The following IL17B variants were observed in gnomAD, a reference collection of about 807,000 sequenced individuals.
IL17B encodes the protein interleukin-17B.
Under a neutral mutation model 14.7 loss-of-function variants are expected in IL17B, and 14 were observed. That is an observed-to-expected ratio of 0.95 (90% CI 0.63 to 1.49). The LOEUF (loss-of-function observed/expected upper bound fraction) is 1.49. IL17B is among the 40% of genes most tolerant of loss of function. The pLI is 0.00. For missense variants in IL17B, 233 were observed against 252.8 expected (o/e 0.92, Z 0.53); for synonymous variants, 105 against 94.8 (o/e 1.11, Z -0.62).
intron 1 of IL17B, among the ~76,000 whole-genome samples, chr5:149,392,309 C>T (rs1758985925): frequency 6.6e-6 from 1 of 152,230 alleles, no homozygotes; most frequent in Non-Finnish European, 1.5e-5. Flanking sequence ...TCTGTTAGTA[C>T]AATAGCATCC....
At chr5:149,379,339 G>T, upstream of IL17B, 1 of 1,283,940 alleles carries the variant, frequency 7.8e-7, no homozygotes. Context: ...ACTGGGGGCT[G>T]CTGGGGGAGT....
At chr5:149,376,597 C>T in intron 2 of IL17B, 139 bp downstream of exon 2, 3 of 1,120,822 alleles carry the variant, frequency 2.7e-6, no homozygotes, top group East Asian at 2.6e-5. Flanking sequence ...CAAAGCCTCA[C>T]AGGCAAGTAA....
At chr5:149,390,012 G>A (rs1393310696) in intron 1 of IL17B, among the ~76,000 whole-genome samples, 1 of 152,168 alleles carries the variant, frequency 6.6e-6, no homozygotes, top group Non-Finnish European at 1.5e-5. Context: ...CCAAGGCCTG[G>A]AAGGGGATAT....
At chr5:149,395,920 A>T (rs353264) in intron 1 of IL17B, among the ~76,000 whole-genome samples, 1 of 150,738 alleles carries the variant, frequency 6.6e-6, no homozygotes, top group Non-Finnish European at 1.5e-5. Context: ...TGATCCACCC[A>T]CCTCGGCTTC....
chr5:149,387,606 C>T (rs1261757790), intron 1 of IL17B, among the ~76,000 whole-genome samples: 1 of 150,770 alleles, frequency 6.6e-6, no homozygotes, highest in Non-Finnish European at 1.5e-5. Context: ...CTCGTCTCTA[C>T]AAAAAAATAA....
chr5:149,375,746 C>T (rs1322991277), intron 2 of IL17B, among the ~76,000 whole-genome samples: 1 of 151,996 alleles, frequency 6.6e-6, no homozygotes, highest in Non-Finnish European at 1.5e-5. Flanking sequence ...AAAAATCAGC[C>T]AGGTATGCCT....
At chr5:149,382,989 C>T (rs138981300), upstream of IL17B, among the ~76,000 whole-genome samples, 15 of 152,314 alleles carry the variant, frequency 9.8e-5, no homozygotes, top group East Asian at 2.7e-3. Context: ...GAAGTGCAGC[C>T]GGGAGGGCAG....
chr5:149,402,898 G>C (rs1056085793), intron 1 of IL17B, among the ~76,000 whole-genome samples: 5 of 150,476 alleles, frequency 3.3e-5, no homozygotes, highest in African/African-American at 1.2e-4. Context: ...AGCTACTTGG[G>C]AGGCTGAGGT....
At chr5:149,396,447 T>C (rs778268282) in intron 1 of IL17B, among the ~76,000 whole-genome samples, 9 of 152,234 alleles carry the variant, frequency 5.9e-5, no homozygotes, top group Non-Finnish European at 1.0e-4. Context: ...TCTATCTTCT[T>C]TGACAGTCAA....
At chr5:149,386,697 C>T (rs530135080) in intron 1 of IL17B, among the ~76,000 whole-genome samples, 1 of 152,256 alleles carries the variant, frequency 6.6e-6, no homozygotes, top group South Asian at 2.1e-4. Flanking sequence ...TACTATGTGC[C>T]AGGCACTGGG....
chr5:149,377,884 C>G (rs1311988066), intron 1 of IL17B, among the ~76,000 whole-genome samples: 1 of 152,134 alleles, frequency 6.6e-6, no homozygotes, highest in Non-Finnish European at 1.5e-5. Context: ...TGGCTCACAC[C>G]TGTAATGCCA....
At chr5:149,397,153 A>G (rs1173322943) in intron 1 of IL17B, among the ~76,000 whole-genome samples, 1 of 152,162 alleles carries the variant, frequency 6.6e-6, no homozygotes, top group Non-Finnish European at 1.5e-5. Flanking sequence ...TTGCAGCACC[A>G]ATAACAACTC....
At chr5:149,402,688 TTAAA>T (rs1158941251) in intron 1 of IL17B, among the ~76,000 whole-genome samples, 5 of 118,426 alleles carry the variant, frequency 4.2e-5, no homozygotes, top group Admixed American at 7.8e-5. Flanking sequence ...TACCATGCTT[TTAAA>T]AAAAAAAAAA....
chr5:149,397,499 T>A (rs1467447450), intron 1 of IL17B, among the ~76,000 whole-genome samples: 1 of 152,188 alleles, frequency 6.6e-6, no homozygotes, highest in Non-Finnish European at 1.5e-5. Context: ...TTACCTTAAG[T>A]AGCCTTATAC....
intron 1 of IL17B, among the ~76,000 whole-genome samples, chr5:149,401,091 TAACCATC>T (rs1387782496): frequency 6.6e-6 from 1 of 152,204 alleles, no homozygotes; most frequent in Non-Finnish European, 1.5e-5. Context: ...TACATAAAAT[TAACCATC>T]ACATCACTTC....
chr5:149,392,135 G>A (rs1758981211), intron 1 of IL17B, among the ~76,000 whole-genome samples: 1 of 152,184 alleles, frequency 6.6e-6, no homozygotes, highest in Non-Finnish European at 1.5e-5. Context: ...AAATGCACAA[G>A]GACTTTGATC....
At chr5:149,383,353 G>A (rs1291254873), upstream of IL17B, among the ~76,000 whole-genome samples, 1 of 152,238 alleles carries the variant, frequency 6.6e-6, no homozygotes, top group African/African-American at 2.4e-5. Context: ...GCAGAAGAAT[G>A]CAAAGGTGCC....
chr5:149,375,596 A>G (rs1041156348), intron 2 of IL17B, among the ~76,000 whole-genome samples: 4 of 152,158 alleles, frequency 2.6e-5, no homozygotes, highest in Non-Finnish European at 5.9e-5. Context: ...TCATGTGTCA[A>G]ATTAATCGGG....
Position 149,376,797 on chromosome 5 carries a change from A to G in IL17B, c.250T>C (p.Cys84Arg). The change falls in exon 2 of 3, where the codon TGT becomes CGT. Residue 84 changes from cysteine (C) to arginine (R), a missense_variant. Transcript: ENST00000261796. ...ATCCACAGCTGCAAGTTGACCTCAC[A>G]CTTTCTCTGGGCCAGCTCTGAGCTG... ...RNSSELAQRKCEVNLQLWMSN... is the reference protein window; with the variant it reads ...RNSSELAQRKREVNLQLWMSN... 1 of 1,613,838 alleles carries G rather than the reference A, an allele frequency of 6.2e-7. No individual in the cohort carries two copies. The highest frequency in any genetic ancestry group is 8.5e-7 in the Non-Finnish European group (1 of 1,179,934).
Sources: allele counts gnomAD v4.1 joint callset (sites outside exome capture counted in the v4.1 genomes callset), GRCh38; gene constraint gnomAD v4.1.1; transcripts MANE v1.5; gene names NCBI Gene and HGNC (gene_info 2026-07-23, HGNC 2026-07-21).